The following ENTPD8 variants were observed in gnomAD, a reference collection of about 807,000 sequenced individuals.
ENTPD8 encodes the protein E-NTPDase 8.
A neutral mutation model predicts 47.0 loss-of-function variants in ENTPD8; 35 were observed. That is an observed-to-expected ratio of 0.75 (90% CI 0.57 to 0.99). The LOEUF is 0.99. Ranked by LOEUF, ENTPD8 falls within the 50% of genes least tolerant of loss-of-function variation. The probability of loss-of-function intolerance (pLI) is 0.00; values close to 1 mark genes in which losing one functional copy is unlikely to be tolerated. For synonymous variants in ENTPD8, 308 were observed against 290.5 expected, an observed-to-expected ratio of 1.06 and a Z score of -0.61; for missense variants, 668 against 649.9, an observed-to-expected ratio of 1.03 and a Z score of -0.30.
intron 1 of ENTPD8, among the ~76,000 whole-genome samples, chr9:137,439,824 A>T (rs954947228): frequency 2.0e-5 from 3 of 151,080 alleles, no homozygotes; most frequent in Non-Finnish European, 4.4e-5. Context: ...CACTCAAAAG[A>T]CCCCCAAGAC....
At position 137,435,188 on chromosome 9, in the gene ENTPD8, C is replaced by A. The variant is rs1349600913; in HGVS notation, c.1296+16G>T. ...CCCACGCCCACGCCCCGCCCACGCC[C>A]AGGGGAGGCAGTCACCTGCTTTCGG... is the stretch of plus-strand genomic sequence containing the variant. On this transcript the variant is annotated intron_variant, in intron 9 of 9. Coordinates refer to ENST00000371506, the MANE Select transcript of ENTPD8 (RefSeq NM_001033113.2). 1.2e-6 allele frequency: 2 copies of A among 1,608,004 alleles called. No homozygotes were observed. The highest frequency in any genetic ancestry group is 1.7e-6 in the Non-Finnish European group (2 of 1,178,012).
chr9:137,437,404 G>A (rs1588478458), intron 3 of ENTPD8, 95 bp from the exon 4 acceptor site: 4 of 1,454,832 alleles, frequency 2.7e-6, no homozygotes, highest in African/African-American at 2.8e-5. Context: ...GCCCCCTGGT[G>A]CAGCCACCAG....
rs1240902546 is a variant in ENTPD8, at chr9:137,438,335, C to A, written c.-20-30G>T. 2.0e-6 allele frequency: 3 copies of A among 1,484,460 alleles called. No individual in the cohort carries two copies. Among genetic ancestry groups the A allele is most frequent in the Non-Finnish European group, 2.7e-6 (3 of 1,116,180 alleles). The allele number at this position is 1,484,460 out of a possible 1,614,324, so 92.0% of individuals were successfully genotyped here. A position where few individuals can be genotyped will look rare whatever the true frequency, so the allele number is the denominator to read the frequency against. ...GGGGGGACGGCCGTGGGCACCCAGG[C>A]TGCACTTGGTGTCCCCATCCCGCCC... On this transcript the variant is annotated intron_variant, in intron 1 of 9. Transcript: ENST00000371506. This position sits in a 1 kb window ranked among gnomAD's most constrained non-coding sequence, Gnocchi z 5.7.
rs781012598 is a variant in ENTPD8 at position 137,436,233 on chromosome 9, C to T, written c.830G>A (p.Gly277Asp). The change falls in exon 7 of 10, where the codon GGC becomes GAC. Residue 277 changes from glycine (G) to aspartate (D), a missense_variant. Coordinates refer to ENST00000371506, the MANE Select transcript of ENTPD8 (RefSeq NM_001033113.2). ...GCCCAGGGCCAGTGTGGTCTGGTAG[C>T]CGCTGAGGTAGCACGGGTGACGGAG... is the stretch of plus-strand genomic sequence containing the variant. ...ALLRHPCYLS[G>D]YQTTLALGPL... 24 of 1,607,798 alleles carry T rather than the reference C, an allele frequency of 1.5e-5. No homozygotes were observed. Among genetic ancestry groups the T allele is most frequent in the Non-Finnish European group, 2.0e-5 (24 of 1,176,338 alleles).
In ENTPD8 at chr9:137,436,194, G is replaced by A. The variant is rs766910440; in HGVS notation, c.869C>T (p.Ser290Leu). ...TTLALGPLYE[S>L]PCVHATPPLS... ...CGGGGGCGTGGCGTGGACACAGGGT[G>A]ACTCATACAGCGGGCCCAGGGCCAG... The change falls in exon 7 of 10, where the codon TCA becomes TTA. Residue 290 changes from serine (S) to leucine (L), a missense_variant. Coordinates refer to ENST00000371506, the MANE Select transcript of ENTPD8 (RefSeq NM_001033113.2). The A allele has an allele frequency of 3.7e-6, 6 of 1,612,656 alleles. No individual in the cohort carries two copies. The highest frequency in any genetic ancestry group is 5.1e-6 in the Non-Finnish European group (6 of 1,179,894).
At chr9:137,439,787 G>T (rs554996918) in intron 1 of ENTPD8, among the ~76,000 whole-genome samples, 5 of 151,892 alleles carry the variant, frequency 3.3e-5, no homozygotes, top group East Asian at 1.9e-4. Flanking sequence ...CTCCAGGTAG[G>T]CAAAGAGGTT....
At position 137,436,214 on chromosome 9, in the gene ENTPD8, G is replaced by A. The variant is rs752095055; in HGVS notation, c.849C>T (p.Ala283=). 4 of 1,611,392 alleles carry A rather than the reference G, an allele frequency of 2.5e-6. No homozygotes were observed. In the South Asian group the frequency reaches 3.3e-5, roughly 13 times the overall value. The change falls in exon 7 of 10, where the codon GCC becomes GCT. Residue 283 remains alanine (A), a synonymous_variant. Transcript: ENST00000371506. ...AGGGTGACTCATACAGCGGGCCCAG[G>A]GCCAGTGTGGTCTGGTAGCCGCTGA... ...CYLSGYQTTL[A]LGPLYESPCV...
chr9:137,434,565 C>T lies in ENTPD8; in HGVS notation c.*349G>A. ...CTCTCCGCCCCTCCTGAGGCCCCAT[C>T]AGGAGCAGGACCCCTGTGCCTCCGT... On this transcript the variant is annotated 3_prime_UTR_variant, in exon 10 of 10. Transcript: ENST00000371506. 1.6e-6 allele frequency: 1 copy of T among 624,502 alleles called. No homozygotes were observed. Among genetic ancestry groups the T allele is most frequent in the Non-Finnish European group, 2.7e-6 (1 of 370,172 alleles). 38.7% of individuals were successfully genotyped at this position (624,502 alleles called of 1,614,324 possible). A position where few individuals can be genotyped will look rare whatever the true frequency, so the allele number is the denominator to read the frequency against.
At position 137,438,398 on chromosome 9, in the gene ENTPD8, A is replaced by G. The variant is rs1327360504; in HGVS notation, c.-20-93T>C. ...GGCTTCGCTCCCCGTCTCCCTGGAG[A>G]CGCACCCCTGGACAGCCACTTGCCT... is the stretch of plus-strand genomic sequence containing the variant. On this transcript the variant is annotated intron_variant, in intron 1 of 9. Transcript: ENST00000371506. This position sits in a 1 kb window ranked among gnomAD's most constrained non-coding sequence, Gnocchi z 5.7. 18 of 1,359,420 alleles carry G rather than the reference A, an allele frequency of 1.3e-5. No individual in the cohort carries two copies. The highest frequency in any genetic ancestry group is 1.7e-5 in the Non-Finnish European group (18 of 1,030,834). The allele number at this position is 1,359,420 out of a possible 1,614,324, so 84.2% of individuals were successfully genotyped here. A position where few individuals can be genotyped will look rare whatever the true frequency, so the allele number is the denominator to read the frequency against.
chr9:137,435,813 T>G lies in ENTPD8; in HGVS notation c.1067A>C (p.Tyr356Ser). The G allele has an allele frequency of 6.2e-7, 1 of 1,613,402 alleles. No homozygotes were observed. Among genetic ancestry groups the G allele is most frequent in the Non-Finnish European group, 8.5e-7 (1 of 1,179,874 alleles). Reference protein sequence around the residue: ...RGQFYAFSNFYYTFHFLNLTS... With the variant: ...RGQFYAFSNFSYTFHFLNLTS... Reference sequence around the variant, plus strand: ...GAGGTTCAGGAAGTGGAAGGTGTAGTAGAAGTTGGAGAAGGCCTGAGTGAG... The same window carrying G: ...GAGGTTCAGGAAGTGGAAGGTGTAGGAGAAGTTGGAGAAGGCCTGAGTGAG... Residue 356 changes from tyrosine (Y) to serine (S), a missense_variant, in exon 8 of 10, where the codon TAC becomes TCC. Physicochemically the swap from Tyr to Ser is moderately radical, Grantham distance 144 (BLOSUM62 -2). Coordinates refer to ENST00000371506, the MANE Select transcript of ENTPD8 (RefSeq NM_001033113.2).
intron 9 of ENTPD8, 30 bp downstream of exon 9, chr9:137,435,174 G>GC (rs770767416): frequency 6.2e-7 from 1 of 1,603,460 alleles, no homozygotes; most frequent in Non-Finnish European, 8.5e-7. Flanking sequence ...CCACGCCCAC[G>GC]CCCCGCCCAC....
Position 137,434,678 on chromosome 9 carries a change from G to T in ENTPD8, c.*236C>A, listed in dbSNP as rs945969706. The T allele has an allele frequency of 2.9e-5, 18 of 625,198 alleles. No individual in the cohort carries two copies. Among genetic ancestry groups the T allele is most frequent in the Middle Eastern group, 8.6e-4 (2 of 2,332 alleles). The allele number at this position is 625,198 out of a possible 1,614,324, so 38.7% of individuals were successfully genotyped here. On this transcript the variant is annotated 3_prime_UTR_variant, in exon 10 of 10. Coordinates refer to ENST00000371506, the MANE Select transcript of ENTPD8 (RefSeq NM_001033113.2). ...GTCCTGGCGGCCTGTGTGCAGAAAG[G>T]CACCTACGGCCCTGGAAGCCCAGTT...
In ENTPD8 at chr9:137,434,718, G is replaced by A; in HGVS notation, c.*196C>T. The A allele has an allele frequency of 2.7e-6, 2 of 731,588 alleles. 1 individual carries two copies. Among genetic ancestry groups the A allele is most frequent in the South Asian group, 4.0e-5 (2 of 49,872 alleles). 45.3% of individuals were successfully genotyped at this position (731,588 alleles called of 1,614,324 possible). Reference sequence around the variant, plus strand: ...GAAGCCCAGTTGCGGAAGGAGGTTGGGGGAGGGACGCCGGGAGGGGAGGTC... The same window carrying A: ...GAAGCCCAGTTGCGGAAGGAGGTTGAGGGAGGGACGCCGGGAGGGGAGGTC... On this transcript the variant is annotated 3_prime_UTR_variant, in exon 10 of 10. Coordinates refer to ENST00000371506, the MANE Select transcript of ENTPD8 (RefSeq NM_001033113.2).
At position 137,441,314 on chromosome 9, in the gene ENTPD8, G is replaced by T; in HGVS notation, c.-49C>A. The T allele has an allele frequency of 3.6e-6, 1 of 276,480 alleles. No individual in the cohort carries two copies. The allele number at this position is 276,480 out of a possible 1,614,324, so 17.1% of individuals were successfully genotyped here. A position where few individuals can be genotyped will look rare whatever the true frequency, so the allele number is the denominator to read the frequency against. On this transcript the variant is annotated 5_prime_UTR_variant, in exon 1 of 10. Transcript: ENST00000371506. Reference sequence around the variant, plus strand: ...GGCTGGCTGCCCACTTCCCGGAGCGGCAAGGAGGAAGCTGTGCTTAGACGC... The same window carrying T: ...GGCTGGCTGCCCACTTCCCGGAGCGTCAAGGAGGAAGCTGTGCTTAGACGC...
At position 137,438,231 on chromosome 9, in the gene ENTPD8, C is replaced by G; in HGVS notation, c.55G>C (p.Val19Leu). Residue 19 changes from valine (V) to leucine (L), a missense_variant, in exon 2 of 10, where the codon GTC becomes CTC. Coordinates refer to ENST00000371506, the MANE Select transcript of ENTPD8 (RefSeq NM_001033113.2). This position sits in a 1 kb window ranked among gnomAD's most constrained non-coding sequence, Gnocchi z 5.7. ...VFLALLGASGVSGLTALILLL... is the reference protein window; with the variant it reads ...VFLALLGASGLSGLTALILLL... ...AGAATGAGTGCCGTGAGGCCTGAGA[C>G]CCCCGAGGCCCCCAGCAGGGCCAAG... is the stretch of plus-strand genomic sequence containing the variant. 1 of 1,601,544 alleles carries G rather than the reference C, an allele frequency of 6.2e-7. No homozygotes were observed.
chr9:137,435,963 G>A, intron 7 of ENTPD8, 50 bp downstream of exon 7: 2 of 1,605,904 alleles, frequency 1.2e-6, no homozygotes, highest in Admixed American at 1.7e-5. Context: ...AGGCACCTGA[G>A]GCCTCACAAG....
Position 137,435,295 on chromosome 9 carries a change from T to C in ENTPD8, c.1205A>G (p.Tyr402Cys). 6.2e-7 allele frequency: 1 copy of C among 1,612,398 alleles called. No homozygotes were observed. The highest frequency in any genetic ancestry group is 1.7e-5 in the Admixed American group (1 of 60,012). The change falls in exon 9 of 10, where the codon TAC (tyrosine) becomes TGC (cysteine). Residue 402 changes from tyrosine (Y) to cysteine (C), a missense_variant. Physicochemically the swap from Tyr to Cys is radical, Grantham distance 194. Coordinates refer to ENST00000371506, the MANE Select transcript of ENTPD8 (RefSeq NM_001033113.2). ...GAGGATGTACAGGCCTGAGGCACAG[T>C]AGTCCCGCAGCCAGCGGTCCTGCCC... is the stretch of plus-strand genomic sequence containing the variant. The part of the protein sequence containing the change: ...YPGQDRWLRD[Y>C]CASGLYILTL...
Position 137,434,829 on chromosome 9 carries a change from C to T in ENTPD8, c.*85G>A. 2 of 1,447,840 alleles carry T rather than the reference C, an allele frequency of 1.4e-6. No homozygotes were observed. Among genetic ancestry groups the T allele is most frequent in the Non-Finnish European group, 1.8e-6 (2 of 1,093,264 alleles). The allele number at this position is 1,447,840 out of a possible 1,614,324, so 89.7% of individuals were successfully genotyped here. On this transcript the variant is annotated 3_prime_UTR_variant, in exon 10 of 10. Transcript: ENST00000371506. ...GTGGGCAGAGCCACAGAGCAAGGCC[C>T]CACGGCGCTCAGGGCTCAGGAAGCC...
rs1282505553 is a variant in ENTPD8, at chr9:137,436,035, G to A, written c.1028C>T (p.Pro343Leu). Reference sequence around the variant, plus strand: ...CACATAGAACTGGCCCCGCAGCGGGGGCTGGTAGACCCCGTCAAAGGCGCA... The same window carrying A: ...CACATAGAACTGGCCCCGCAGCGGGAGCTGGTAGACCCCGTCAAAGGCGCA... ...EDCAFDGVYQPPLRGQFYAFS... is the reference protein window; with the variant it reads ...EDCAFDGVYQLPLRGQFYAFS... The change falls in exon 7 of 10, where the codon CCC becomes CTC. Residue 343 changes from proline to leucine, a missense_variant. Transcript: ENST00000371506. The A allele has an allele frequency of 6.2e-7, 1 of 1,612,728 alleles. No individual in the cohort carries two copies. Among genetic ancestry groups the A allele is most frequent in the Non-Finnish European group, 8.5e-7 (1 of 1,179,974 alleles).
Sources: allele counts gnomAD v4.1 joint callset (sites outside exome capture counted in the v4.1 genomes callset), GRCh38; gene constraint gnomAD v4.1.1; non-coding constraint Gnocchi (gnomAD v3.1); transcripts MANE v1.5; gene names NCBI Gene and HGNC (gene_info 2026-07-23, HGNC 2026-07-21).